The following RGMB variants were observed in gnomAD, a reference collection of about 807,000 sequenced individuals.
The protein encoded by RGMB is repulsive guidance molecule BMP co-receptor b, also known as repulsive guidance molecule B.
Under a neutral mutation model 26.9 loss-of-function variants are expected in RGMB, and 16 were observed. The observed-to-expected ratio is 0.60, with a 90% CI of 0.40 to 0.90. The LOEUF is 0.90. Ranked by LOEUF, RGMB falls within the 40% of genes least tolerant of loss-of-function variation. The pLI, the probability that RGMB is intolerant of heterozygous loss-of-function variation, is 0.00. For missense variants in RGMB, 512 were observed against 573.3 expected (o/e 0.89, Z 1.09); for synonymous variants, 225 against 229.3 (o/e 0.98, Z 0.17).
At chr5:98,785,261 T>C (rs918036537) in intron 2 of RGMB, among the ~76,000 whole-genome samples, 1 of 152,236 alleles carries the variant, frequency 6.6e-6, no homozygotes, top group Non-Finnish European at 1.5e-5. Context: ...TAGAGGTGAA[T>C]GCAGCCTTTG....
At chr5:98,775,738 G>T (rs980594862) in intron 1 of RGMB, among the ~76,000 whole-genome samples, 6 of 152,176 alleles carry the variant, frequency 3.9e-5, no homozygotes, top group Non-Finnish European at 7.4e-5. Context: ...GGGTGTCTTC[G>T]TTCAAGAATT....
rs1746533801 is a variant in RGMB, at chr5:98,779,855, C to T, written c.412C>T (p.Pro138Ser). The change falls in exon 2 of 3, where the codon CCT becomes TCT. Residue 138 changes from proline to serine, a missense_variant. Transcript: ENST00000513185. ...TACCAACCCCGAAGTGACCCATGAT[C>T]CTTGCAACTATCACAGCCACGCTGG... is the stretch of plus-strand genomic sequence containing the variant. ...SSTNPEVTHD[P>S]CNYHSHAGAR... 2 of 1,614,046 alleles carry T rather than the reference C, an allele frequency of 1.2e-6. No homozygotes were observed. Among genetic ancestry groups the T allele is most frequent in the South Asian group, 2.2e-5 (2 of 91,088 alleles).
chr5:98,775,028 C>T (rs1267005212), intron 1 of RGMB, among the ~76,000 whole-genome samples: 1 of 152,086 alleles, frequency 6.6e-6, no homozygotes, highest in East Asian at 1.9e-4. Context: ...TAGGAATTTG[C>T]CTAGACAAAG....
chr5:98,780,081 C>T lies in RGMB; in HGVS notation c.638C>T (p.Thr213Ile). 6.2e-7 allele frequency: 1 copy of T among 1,608,076 alleles called. No individual in the cohort carries two copies. The highest frequency in any genetic ancestry group is 1.7e-4 in the Middle Eastern group (1 of 6,042). Reference protein sequence around the residue: ...PVVPGSSATATNKITIIFKAH... With the variant: ...PVVPGSSATAINKITIIFKAH... ...GTCCCTGGATCCAGTGCTACTGCTA[C>T]AAATAAGGCAAGTATACCTTCTTTT... Residue 213 changes from threonine (T) to isoleucine (I), a missense_variant, in exon 2 of 3, where the codon ACA becomes ATA. Thr to Ile is a moderately conservative substitution (Grantham distance 89, BLOSUM62 -1). Coordinates refer to ENST00000513185, the MANE Select transcript of RGMB (RefSeq NM_001366508.1).
intron 2 of RGMB, among the ~76,000 whole-genome samples, chr5:98,781,986 T>C (rs1746621759): frequency 6.6e-6 from 1 of 152,250 alleles, no homozygotes; most frequent in South Asian, 2.1e-4. Context: ...TCAAAGGTTT[T>C]ACCCATTCAA....
At position 98,779,862 on chromosome 5, in the gene RGMB, A is replaced by G; in HGVS notation, c.419A>G (p.Asn140Ser). 6.2e-7 allele frequency: 1 copy of G among 1,614,052 alleles called. No individual in the cohort carries two copies. ...TNPEVTHDPC[N>S]YHSHAGAREH... Reference sequence around the variant, plus strand: ...CCCGAAGTGACCCATGATCCTTGCAACTATCACAGCCACGCTGGAGCCAGG... The same window carrying G: ...CCCGAAGTGACCCATGATCCTTGCAGCTATCACAGCCACGCTGGAGCCAGG... Residue 140 changes from asparagine (N) to serine (S), a missense_variant, in exon 2 of 3, where the codon AAC (asparagine) becomes AGC (serine). Asn to Ser is a conservative substitution (Grantham distance 46). Coordinates refer to ENST00000513185, the MANE Select transcript of RGMB (RefSeq NM_001366508.1).
intron 1 of RGMB, among the ~76,000 whole-genome samples, chr5:98,778,159 CAG>C (rs1293970047): frequency 2.6e-5 from 4 of 152,250 alleles, no homozygotes; most frequent in African/African-American, 9.6e-5. Context: ...AAGCCAGAAA[CAG>C]AGCTTACAAG....
At chr5:98,777,882 GT>G (rs1166260623) in intron 1 of RGMB, among the ~76,000 whole-genome samples, 1 of 152,048 alleles carries the variant, frequency 6.6e-6, no homozygotes, top group Non-Finnish European at 1.5e-5. Context: ...ATATTAAAAT[GT>G]TTTAATCTTT....
At chr5:98,770,594 CCAGGTCCTG>C (rs1746123506), upstream of RGMB, 1 of 1,306,250 alleles carries the variant, frequency 7.7e-7, no homozygotes, top group African/African-American at 1.5e-5. Flanking sequence ...TCTCTCACAC[CCAGGTCCTG>C]CGTGTTCCGA....
At chr5:98,774,471 A>T (rs1746322015) in intron 1 of RGMB, among the ~76,000 whole-genome samples, 1 of 152,132 alleles carries the variant, frequency 6.6e-6, no homozygotes, top group African/African-American at 2.4e-5. Flanking sequence ...CCCCTCCGAC[A>T]GCCGCTTATC....
chr5:98,779,544 G>A (rs747209677), intron 1 of RGMB, 36 bp from the exon 2 acceptor site: 28 of 1,494,668 alleles, frequency 1.9e-5, no homozygotes, highest in Non-Finnish European at 2.4e-5. Context: ...GTTATGAAGA[G>A]TTTACAAATG....
At position 98,796,342 on chromosome 5, in the gene RGMB, C is replaced by CCCCT. The variant is rs1554069297; in HGVS notation, c.*2592_*2593insTCCC. The CCCCT allele has an allele frequency of 1.4e-5, 2 of 140,848 alleles. No individual in the cohort carries two copies. The highest frequency in any genetic ancestry group is 5.7e-5 in the African/African-American group (2 of 35,314). The allele number at this position is 140,848 out of a possible 1,614,324, so 8.7% of individuals were successfully genotyped here. ...CTTTGTTATGCTTGGAAGCTCCCCC[C>CCCCT]CCCCCAACAGTGTGTCGAGTCTTTG... On this transcript the variant is annotated 3_prime_UTR_variant, in exon 3 of 3. Coordinates refer to ENST00000513185, the MANE Select transcript of RGMB (RefSeq NM_001366508.1).
chr5:98,774,136 C>T lies in RGMB; in HGVS notation c.66C>T (p.Ser22=), dbSNP rs1207893850. Residue 22 remains serine (S), a synonymous_variant, in exon 1 of 3, where the codon AGC becomes AGT. Transcript: ENST00000513185. ...CCGCCGAGGTTGAGCAGCGCCGCAG[C>T]CCCGGGCTCTGCCCCCCGCCGCTGG... is the stretch of plus-strand genomic sequence containing the variant. ...AAAAEVEQRR[S]PGLCPPPLEL... is the part of the protein sequence containing the mutation. The T allele has an allele frequency of 1.4e-6, 2 of 1,478,422 alleles. No homozygotes were observed. Among genetic ancestry groups the T allele is most frequent in the African/African-American group, 1.5e-5 (1 of 68,706 alleles). 91.6% of individuals were successfully genotyped at this position (1,478,422 alleles called of 1,614,324 possible). A position where few individuals can be genotyped will look rare whatever the true frequency, so the allele number is the denominator to read the frequency against.
At chr5:98,769,461 G>A (rs999933834), upstream of RGMB, 4 of 152,406 alleles carry the variant, frequency 2.6e-5, no homozygotes, top group African/African-American at 7.2e-5. Context: ...AACTGGGAGA[G>A]CGGCCCCCGA....
intron 2 of RGMB, among the ~76,000 whole-genome samples, chr5:98,786,325 T>G (rs2112364744): frequency 6.6e-6 from 1 of 152,364 alleles, no homozygotes; most frequent in East Asian, 1.9e-4. Context: ...TATGGGGCTC[T>G]GCTGCTTTAA....
At chr5:98,779,510 T>G in intron 1 of RGMB, 70 bp from the exon 2 acceptor site, 1 of 1,398,100 alleles carries the variant, frequency 7.2e-7, no homozygotes, top group Non-Finnish European at 9.6e-7. Flanking sequence ...AAGAACAATG[T>G]GATTTTCTCA....
chr5:98,773,797 G>C lies in RGMB; in HGVS notation c.-274G>C. On this transcript the variant is annotated 5_prime_UTR_variant, in exon 1 of 3. Transcript: ENST00000513185. The stretch of plus-strand genomic sequence containing the variant: ...GGACTCGTCTCAGCAGTCGCTCACG[G>C]TCTTTGTGTCTTCTCTTCCGCCCCT... 1 of 446,178 alleles carries C rather than the reference G, an allele frequency of 2.2e-6. No individual in the cohort carries two copies. The highest frequency in any genetic ancestry group is 3.9e-6 in the Non-Finnish European group (1 of 257,116). 27.6% of individuals were successfully genotyped at this position (446,178 alleles called of 1,614,324 possible). A position where few individuals can be genotyped will look rare whatever the true frequency, so the allele number is the denominator to read the frequency against.
chr5:98,773,769 T>C lies in RGMB; in HGVS notation c.-302T>C, dbSNP rs1746267017. ...GGCTGGGGCCGGGGTGCCGGCGCGC[T>C]CGGGACTCGTCTCAGCAGTCGCTCA... is the stretch of plus-strand genomic sequence containing the variant. On this transcript the variant is annotated 5_prime_UTR_variant, in exon 1 of 3. Coordinates refer to ENST00000513185, the MANE Select transcript of RGMB (RefSeq NM_001366508.1). The C allele has an allele frequency of 2.6e-6, 1 of 387,030 alleles. No homozygotes were observed. The highest frequency in any genetic ancestry group is 4.6e-6 in the Non-Finnish European group (1 of 219,096). 24.0% of individuals were successfully genotyped at this position (387,030 alleles called of 1,614,324 possible). A position where few individuals can be genotyped will look rare whatever the true frequency, so the allele number is the denominator to read the frequency against.
At chr5:98,776,538 G>T (rs987876162) in intron 1 of RGMB, among the ~76,000 whole-genome samples, 2 of 152,284 alleles carry the variant, frequency 1.3e-5, no homozygotes, top group East Asian at 3.9e-4. Context: ...CCTATAACAG[G>T]CAAAGTGTGC....
Sources: gnomAD v4.1 joint callset for allele counts (sites outside exome capture counted in the v4.1 genomes callset) on GRCh38, gnomAD v4.1.1 for gene constraint, MANE v1.5 for transcripts, NCBI Gene and HGNC (gene_info 2026-07-23, HGNC 2026-07-21) for gene names.